Variants in KANK1 observed in about 807,000 individuals in gnomAD.
The protein encoded by KANK1 is KN motif and ankyrin repeat domains 1.
In KANK1, 109 loss-of-function variants were observed where a neutral mutation model predicts 106.2. The observed-to-expected ratio is 1.03, with a 90% CI of 0.88 to 1.20. The LOEUF is 1.20. KANK1 is among the 50% of genes most tolerant of loss of function. The pLI is 0.00. For missense variants in KANK1, 2,399 were observed against 1,710.7 expected, an observed-to-expected ratio of 1.40 and a Z score of -7.10; for synonymous variants, 873 against 652.2, an observed-to-expected ratio of 1.34 and a Z score of -5.16.
At chr9:710,594 G>A (rs1825688730) in intron 2 of KANK1, among the ~76,000 whole-genome samples, 1 of 136,382 alleles carries the variant, frequency 7.3e-6, no homozygotes, top group African/African-American at 2.8e-5. Context: ...GCTCCAGCCT[G>A]GGTGACAGAA....
At chr9:640,513 T>A (rs1280589712) in intron 1 of KANK1, among the ~76,000 whole-genome samples, 1 of 151,982 alleles carries the variant, frequency 6.6e-6, no homozygotes, top group Non-Finnish European at 1.5e-5. Context: ...TTCTTCCACC[T>A]CAGCCTCCTG....
At chr9:725,877 A>G (rs72693442) in intron 3 of KANK1, among the ~76,000 whole-genome samples, 11,413 of 152,202 alleles carry the variant, frequency 0.075, 991 homozygotes, top group African/African-American at 0.2. Flanking sequence ...CTTTACTTTG[A>G]AAGGGATAAA....
rs773363453 is a variant in KANK1, at chr9:731,228, C to T, written c.2967C>T (p.Gly989=). ...KKKDGNKDSN[G]AKKNLQFVGI... is the part of the protein sequence containing the mutation. ...AAGATGGTAACAAAGATTCAAATGG[C>T]GCAAAAAAGAATCTTCAGTTTGTTG... The change falls in exon 5 of 12, where the codon GGC becomes GGT. Residue 989 remains glycine (G), a synonymous_variant. Transcript: ENST00000382297. 1.3e-4 allele frequency: 207 copies of T among 1,609,604 alleles called. No homozygotes were observed. The highest frequency in any genetic ancestry group is 1.6e-4 in the Non-Finnish European group (191 of 1,176,482).
At chr9:481,603 G>C (rs965262475) in intron 3 of KANK1, among the ~76,000 whole-genome samples, 1 of 152,136 alleles carries the variant, frequency 6.6e-6, no homozygotes, top group African/African-American at 2.4e-5. Flanking sequence ...AACAACGGCG[G>C]GCAAAAAGCT....
upstream of KANK1, among the ~76,000 whole-genome samples, chr9:503,957 G>T (rs10116973): frequency 2.6e-5 from 4 of 152,148 alleles, no homozygotes; most frequent in South Asian, 6.2e-4. Flanking sequence ...CCTTTCCGCC[G>T]AGGACTCTGT....
chr9:634,064 T>G (rs12056988), intron 1 of KANK1, among the ~76,000 whole-genome samples: 23,186 of 152,264 alleles, frequency 0.15, 1,948 homozygotes, highest in Admixed American at 0.18. Flanking sequence ...TTAATTAATT[T>G]GTAATTGCCC....
chr9:670,133 T>C (rs978043509), intron 1 of KANK1, among the ~76,000 whole-genome samples: 1 of 152,184 alleles, frequency 6.6e-6, no homozygotes, highest in Non-Finnish European at 1.5e-5. Flanking sequence ...TGCTTTTCTT[T>C]GTTGTCTTGG....
chr9:616,899 T>C (rs1285202323), intron 1 of KANK1, among the ~76,000 whole-genome samples: 1 of 152,184 alleles, frequency 6.6e-6, no homozygotes, highest in South Asian at 2.1e-4. Context: ...TACCACTTCA[T>C]TGGTTAAAGC....
At chr9:591,693 C>G (rs1402589897) in intron 1 of KANK1, among the ~76,000 whole-genome samples, 1 of 151,810 alleles carries the variant, frequency 6.6e-6, no homozygotes, top group Non-Finnish European at 1.5e-5. Flanking sequence ...GAGATGCAGT[C>G]TCGCCTAGGC....
chr9:604,961 C>T (rs1471921746), intron 1 of KANK1, among the ~76,000 whole-genome samples: 1 of 151,828 alleles, frequency 6.6e-6, no homozygotes, highest in Non-Finnish European at 1.5e-5. Flanking sequence ...TGGACTAATG[C>T]AATTGGGCAA....
At chr9:486,617 GTGCAC>G (rs2058297576) in intron 3 of KANK1, among the ~76,000 whole-genome samples, 1 of 152,170 alleles carries the variant, frequency 6.6e-6, no homozygotes, top group South Asian at 2.1e-4. Flanking sequence ...CTCTTAATCT[GTGCAC>G]TGTACTGCCT....
At chr9:673,271 C>T (rs1236211025) in intron 1 of KANK1, among the ~76,000 whole-genome samples, 2 of 131,642 alleles carry the variant, frequency 1.5e-5, no homozygotes, top group African/African-American at 2.9e-5. Context: ...AATGCAGTGG[C>T]GTGATCTCGG....
intron 7 of KANK1, among the ~76,000 whole-genome samples, chr9:737,992 T>C (rs1191364836): frequency 6.6e-6 from 1 of 152,190 alleles, no homozygotes; most frequent in African/African-American, 2.4e-5. Flanking sequence ...GTCATAAAGC[T>C]TTTAGGTAGC....
At chr9:574,556 T>A (rs1014190596) in intron 1 of KANK1, among the ~76,000 whole-genome samples, 5 of 152,132 alleles carry the variant, frequency 3.3e-5, no homozygotes, top group Non-Finnish European at 7.4e-5. Context: ...ATTTGTAATG[T>A]TTGAAAATAT....
At chr9:585,680 T>C (rs756138032) in intron 1 of KANK1, among the ~76,000 whole-genome samples, 2 of 152,086 alleles carry the variant, frequency 1.3e-5, no homozygotes, top group Non-Finnish European at 2.9e-5. Context: ...GTTAAGGCAT[T>C]GTGTGAGGGT....
intron 3 of KANK1, chr9:491,958 A>G (rs2058384702): frequency 6.6e-6 from 1 of 152,226 alleles, no homozygotes. Flanking sequence ...GCCTTCCGCC[A>G]TGATTTTGAG....
At chr9:659,507 A>G (rs1056027038) in intron 1 of KANK1, among the ~76,000 whole-genome samples, 1 of 152,136 alleles carries the variant, frequency 6.6e-6, no homozygotes, top group African/African-American at 2.4e-5. Context: ...CACTTTGAGA[A>G]CTGTATTAGT....
At chr9:523,345 C>A (rs1395251949) in intron 1 of KANK1, among the ~76,000 whole-genome samples, 1 of 151,760 alleles carries the variant, frequency 6.6e-6, no homozygotes, top group Admixed American at 6.6e-5. Context: ...TCCTGTTTCA[C>A]CTTCAAATAT....
chr9:546,783 T>C (rs2060960360), intron 1 of KANK1, among the ~76,000 whole-genome samples: 1 of 152,140 alleles, frequency 6.6e-6, no homozygotes, highest in Non-Finnish European at 1.5e-5. Flanking sequence ...AATTCTATTT[T>C]GGCAACCAAG....
Sources: gnomAD v4.1 joint callset for allele counts (sites outside exome capture counted in the v4.1 genomes callset) on GRCh38, gnomAD v4.1.1 for gene constraint, MANE v1.5 for transcripts, NCBI Gene and HGNC (gene_info 2026-07-23, HGNC 2026-07-21) for gene names.